EHMT1: variants seen among roughly 807,000 people sequenced by gnomAD.
The protein encoded by EHMT1 is euchromatic histone lysine methyltransferase 1.
Under a neutral mutation model 147.2 loss-of-function variants are expected in EHMT1, and 15 were observed. The ratio of observed to expected loss-of-function variants is 0.10; its 90% CI spans 0.07 to 0.16. EHMT1 has a LOEUF of 0.16. Ranked by LOEUF, EHMT1 falls within the 10% of genes least tolerant of loss-of-function variation. The pLI, the probability that EHMT1 is intolerant of heterozygous loss-of-function variation, is 1.00. For synonymous variants in EHMT1, 795 were observed against 709.6 expected (o/e 1.12, Z -1.91); for missense variants, 1,587 against 1,772.4 (o/e 0.90, Z 1.88).
intron 16 of EHMT1, among the ~76,000 whole-genome samples, chr9:137,795,621 T>TTTTG (rs142615433): frequency 8.6e-5 from 13 of 151,658 alleles, no homozygotes; most frequent in East Asian, 1.9e-4. Flanking sequence ...TGGGAGTGGT[T>TTTTG]TTTGTTTGTT....
Position 137,635,075 on chromosome 9 carries a change from G to A in EHMT1, c.21+16026G>A, listed in dbSNP as rs1454699755. Among the ~76,000 whole-genome samples the A allele has an allele frequency of 5.3e-5, 8 of 151,696 alleles. No individual in the cohort carries two copies. In the East Asian group the frequency reaches 1.4e-3, roughly 26 times the overall value. ...TCTTGTTGTCAATATCTGCAAAAAA[G>A]CCTTTCAGGATCTTGAAAGGGATTG... On this transcript the variant is annotated intron_variant, in intron 1 of 26. Coordinates refer to ENST00000460843, the MANE Select transcript of EHMT1 (RefSeq NM_024757.5).
chr9:137,767,090 T>C (rs900344435), intron 10 of EHMT1, among the ~76,000 whole-genome samples: 1 of 152,184 alleles, frequency 6.6e-6, no homozygotes, highest in Non-Finnish European at 1.5e-5. Context: ...CCCACAATGC[T>C]GGGATTGTAA....
At position 137,776,014 on chromosome 9, in the gene EHMT1, C is replaced by G. The variant is rs1393793701; in HGVS notation, c.1792-604C>G. The stretch of plus-strand genomic sequence containing the variant: ...GGCACCCAGAGATGCCCTGCTGCCC[C>G]TTTACGAACATGGGCCAAGAGCTTC... On this transcript the variant is annotated intron_variant, in intron 11 of 26. Transcript: ENST00000460843. The surrounding 1 kb of genome is among the most constrained non-coding windows in gnomAD (Gnocchi z 4.4). Among the ~76,000 whole-genome samples the G allele has an allele frequency of 6.6e-6, 1 of 152,172 alleles. No individual in the cohort carries two copies. The highest frequency in any genetic ancestry group is 2.4e-5 in the African/African-American group (1 of 41,436).
intron 9 of EHMT1, 89 bp from the exon 10 acceptor site, chr9:137,762,586 G>A: frequency 6.3e-7 from 1 of 1,598,752 alleles, no homozygotes; most frequent in Non-Finnish European, 8.5e-7. Flanking sequence ...TGGCGTGTGA[G>A]ATCACTGTTG....
rs73669157 is a variant in EHMT1 at position 137,754,162 on chromosome 9, G to T, written c.1249-9G>T. ...AGTGGTTTATATGCCTGCCCGTTTG[G>T]TTCTCCAGAGTTCGGAATCCAGCAT... On this transcript the variant is annotated splice_polypyrimidine_tract_variant and intron_variant, in intron 7 of 26. Transcript: ENST00000460843. The T allele has an allele frequency of 1.4e-3, 2,230 of 1,614,072 alleles. 14 individuals carry two copies. In the African/African-American group the frequency reaches 0.016, roughly 11 times the overall value.
chr9:137,790,727 T>C (rs1451031470), intron 15 of EHMT1, 121 bp from the exon 16 acceptor site: 3 of 1,385,370 alleles, frequency 2.2e-6, no homozygotes, highest in East Asian at 4.6e-5. Flanking sequence ...AACTCAGACA[T>C]TGTTGGTCAC....
At chr9:137,792,264 A>G (rs1952583310) in intron 16 of EHMT1, 2 of 346,978 alleles carry the variant, frequency 5.8e-6, no homozygotes, top group South Asian at 4.8e-5. Context: ...AAACGATTGC[A>G]TATATGGTCA....
chr9:137,664,365 C>T (rs557668855), intron 1 of EHMT1, among the ~76,000 whole-genome samples: 1 of 151,086 alleles, frequency 6.6e-6, no homozygotes, highest in Non-Finnish European at 1.5e-5. Flanking sequence ...GATCTCTGCT[C>T]ACTGCAACCT....
chr9:137,654,428 T>C (rs780435939), intron 1 of EHMT1, among the ~76,000 whole-genome samples: 18 of 135,954 alleles, frequency 1.3e-4, no homozygotes, highest in Non-Finnish European at 2.4e-4. Context: ...ACCATAAATA[T>C]GTGAGTCTGT....
intron 14 of EHMT1, among the ~76,000 whole-genome samples, chr9:137,780,423 T>C (rs1951329308): frequency 7.2e-6 from 1 of 138,070 alleles, no homozygotes; most frequent in African/African-American, 2.9e-5. Flanking sequence ...TGTGTGGTGA[T>C]GACGCTGAGA....
At chr9:137,641,597 G>T (rs1467926806) in intron 1 of EHMT1, 1 of 276,214 alleles carries the variant, frequency 3.6e-6, no homozygotes, top group Non-Finnish European at 7.0e-6. Flanking sequence ...CAGTCCGCTT[G>T]CCGCTCACTT....
At chr9:137,805,761 C>A (rs180685359) in intron 18 of EHMT1, among the ~76,000 whole-genome samples, 2 of 151,754 alleles carry the variant, frequency 1.3e-5, no homozygotes, top group Non-Finnish European at 2.9e-5. Flanking sequence ...CTCCCGGGTT[C>A]GAGCTATTCT....
In EHMT1 at chr9:137,638,720, CAG is replaced by C. The variant is rs34557065; in HGVS notation, c.21+19672_21+19673del. ...AGTTGAGTAGGGTAGGCCTCTAATC[CAG>C]TATGACTTACGTGTCCTCATAAAAA... is the stretch of plus-strand genomic sequence containing the variant. On this transcript the variant is annotated intron_variant, in intron 1 of 26. Transcript: ENST00000460843. Among the ~76,000 whole-genome samples, 500 of 151,574 alleles carry C rather than the reference CAG, an allele frequency of 3.3e-3. 1 individual carries two copies. Among genetic ancestry groups the C allele is most frequent in the Non-Finnish European group, 5.1e-3 (346 of 67,944 alleles).
chr9:137,703,682 A>T (rs1944024588), intron 1 of EHMT1, among the ~76,000 whole-genome samples: 1 of 152,124 alleles, frequency 6.6e-6, no homozygotes, highest in Admixed American at 6.5e-5. Context: ...CATTGTCCAT[A>T]TCACTGTCAG....
chr9:137,696,394 C>G (rs749046066), intron 1 of EHMT1, among the ~76,000 whole-genome samples: 1 of 152,220 alleles, frequency 6.6e-6, no homozygotes, highest in South Asian at 2.1e-4. Context: ...AGACAAGTCT[C>G]TCTTCCAGAT....
chr9:137,636,271 A>G (rs1255982304), intron 1 of EHMT1, among the ~76,000 whole-genome samples: 1 of 152,142 alleles, frequency 6.6e-6, no homozygotes, highest in Non-Finnish European at 1.5e-5. Context: ...ATTTTTATAT[A>G]TTGGATCTTG....
rs56080406 is a variant in EHMT1, at chr9:137,742,289, TTGTGTGTG to T, written c.824-1046_824-1039del. 7.3e-3 allele frequency among the ~76,000 whole-genome samples: 990 copies of T among 135,108 alleles called. 8 individuals are homozygous for T. Among genetic ancestry groups the T allele is most frequent in the African/African-American group, 0.013 (441 of 34,448 alleles). 88.6% of individuals were successfully genotyped at this position (135,108 alleles called of 152,430 possible). A position where few individuals can be genotyped will look rare whatever the true frequency, so the allele number is the denominator to read the frequency against. On this transcript the variant is annotated intron_variant, in intron 4 of 26. Transcript: ENST00000460843. The stretch of plus-strand genomic sequence containing the variant: ...GCTTCTGCACTTTGTAGAACCAAAT[TTGTGTGTG>T]TGTGTGTGTGTGTGTGTGTGTGTGT...
chr9:137,735,941 T>C (rs1051032065), intron 4 of EHMT1, among the ~76,000 whole-genome samples: 6 of 152,140 alleles, frequency 3.9e-5, no homozygotes, highest in African/African-American at 1.2e-4. Context: ...TATTAAACTT[T>C]CCAGCCACCA....
intron 25 of EHMT1, among the ~76,000 whole-genome samples, chr9:137,820,968 C>T (rs1422074733): frequency 6.6e-6 from 1 of 152,240 alleles, no homozygotes; most frequent in Admixed American, 6.5e-5. Context: ...AGCTCCGCCT[C>T]CCAGGTTCAC....
Sources: allele counts gnomAD v4.1 joint callset (sites outside exome capture counted in the v4.1 genomes callset), GRCh38; gene constraint gnomAD v4.1.1; non-coding constraint Gnocchi (gnomAD v3.1); transcripts MANE v1.5; gene names NCBI Gene and HGNC (gene_info 2026-07-23, HGNC 2026-07-21).